The following PARN variants were observed in gnomAD, a reference collection of about 807,000 sequenced individuals.
PARN encodes the protein poly(A)-specific ribonuclease.
Under a neutral mutation model 102.8 loss-of-function variants are expected in PARN, and 71 were observed. The observed-to-expected ratio is 0.69, with a 90% CI of 0.57 to 0.84. PARN has a LOEUF of 0.84. Among genes scored for constraint, PARN ranks in the 40% least tolerant of loss-of-function variants. The pLI is 0.00. For missense variants in PARN, 782 were observed against 760.9 expected (o/e 1.03, Z -0.33); for synonymous variants, 261 against 252.9 (o/e 1.03, Z -0.30).
In PARN at chr16:14,568,214, C is replaced by CT. The variant is rs543071760; in HGVS notation, c.1263-12506dup. On this transcript the variant is annotated intron_variant, in intron 18 of 23. Coordinates refer to ENST00000437198, the MANE Select transcript of PARN (RefSeq NM_002582.4). ...AAAACTTTATTTTTTTTATTTTTAC[C>CT]TTTTTTTTTTTTTTTTGAGACGGAG... Among the ~76,000 whole-genome samples, 612 of 139,452 alleles carry CT rather than the reference C, an allele frequency of 4.4e-3. 4 individuals are homozygous for CT. Among genetic ancestry groups the CT allele is most frequent in the African/African-American group, 0.011 (439 of 38,638 alleles). The allele number at this position is 139,452 out of a possible 152,430, so 91.5% of individuals were successfully genotyped here.
chr16:14,552,657 T>C lies in PARN; in HGVS notation c.1406-562A>G, dbSNP rs536222508. ...TGCTTACACATAATCTTATTGAAAA[T>C]AGTGTTAGAGGCCGGGCGCGGTGGC... On this transcript the variant is annotated intron_variant, in intron 20 of 23. Transcript: ENST00000437198. Among the ~76,000 whole-genome samples, 13 of 151,966 alleles carry C rather than the reference T, an allele frequency of 8.6e-5. No individual in the cohort carries two copies. In the East Asian group the frequency reaches 2.5e-3, roughly 30 times the overall value.
chr16:14,449,051 T>C lies in PARN; in HGVS notation c.1671-1970A>G, dbSNP rs1401941657. Among the ~76,000 whole-genome samples the C allele has an allele frequency of 3.3e-5, 5 of 152,264 alleles. No individual in the cohort carries two copies. In the South Asian group the frequency reaches 1.0e-3, roughly 32 times the overall value. On this transcript the variant is annotated intron_variant, in intron 22 of 23. Transcript: ENST00000437198. ...AGAAAATTCAGGAAGTACAAGAAGA[T>C]AATAAGGGTTCTTCTATCACGAAAG... is the stretch of plus-strand genomic sequence containing the variant.
intron 21 of PARN, among the ~76,000 whole-genome samples, chr16:14,487,683 A>C: frequency 6.6e-6 from 1 of 152,224 alleles, no homozygotes; most frequent in East Asian, 1.9e-4. Flanking sequence ...TAAGAAAAAA[A>C]AATCTCGGTA....
At chr16:14,439,161 C>A (rs534018267) in intron 23 of PARN, among the ~76,000 whole-genome samples, 46 of 152,060 alleles carry the variant, frequency 3.0e-4, no homozygotes, top group African/African-American at 1.1e-3. Context: ...GGCTTGAGCC[C>A]AGGAGTTTGG....
At chr16:14,601,141 G>A (rs1027236889) in intron 11 of PARN, among the ~76,000 whole-genome samples, 2 of 152,050 alleles carry the variant, frequency 1.3e-5, no homozygotes, top group African/African-American at 4.8e-5. Context: ...ATTGAAAGCA[G>A]GGACTCAAAT....
Position 14,547,054 on chromosome 16 carries a change from C to T in PARN, c.1480+4967G>A, listed in dbSNP as rs766226963. Among the ~76,000 whole-genome samples, 4 of 149,118 alleles carry T rather than the reference C, an allele frequency of 2.7e-5. No homozygotes were observed. The South Asian group carries it at 6.3e-4, about 24-fold the overall frequency. On this transcript the variant is annotated intron_variant, in intron 21 of 23. Coordinates refer to ENST00000437198, the MANE Select transcript of PARN (RefSeq NM_002582.4). ...GTTGCAGTGAGCCAAGATCGCACAA[C>T]GGCACTTCAGCCTGGGCAACAGAGA...
At chr16:14,608,244 C>G (rs906859875) in intron 9 of PARN, 37 bp downstream of exon 9, 11 of 1,425,578 alleles carry the variant, frequency 7.7e-6, no homozygotes, top group Non-Finnish European at 9.6e-6. Context: ...AATCCTGGGT[C>G]CCCCACAGAG....
chr16:14,484,031 T>C (rs760196645), intron 21 of PARN, among the ~76,000 whole-genome samples: 5 of 152,188 alleles, frequency 3.3e-5, no homozygotes, highest in African/African-American at 2.4e-5. Context: ...CATTACATCA[T>C]TCTTATGCCT....
chr16:14,436,550 C>A lies in PARN; in HGVS notation c.*167G>T, dbSNP rs1179605790. ...AGTTAGATTAAAAAGGGGAAAAAAC[C>A]ACAGCCACAAAAATAAAACCTGTTT... On this transcript the variant is annotated 3_prime_UTR_variant, in exon 24 of 24. Transcript: ENST00000437198. 8.2e-6 allele frequency: 5 copies of A among 611,274 alleles called. No individual in the cohort carries two copies. Among genetic ancestry groups the A allele is most frequent in the African/African-American group, 3.7e-5 (2 of 53,868 alleles). The allele number at this position is 611,274 out of a possible 1,614,324, so 37.9% of individuals were successfully genotyped here. A position where few individuals can be genotyped will look rare whatever the true frequency, so the allele number is the denominator to read the frequency against.
At chr16:14,566,277 C>A (rs1968422514) in intron 18 of PARN, among the ~76,000 whole-genome samples, 1 of 152,182 alleles carries the variant, frequency 6.6e-6, no homozygotes, top group Admixed American at 6.5e-5. Flanking sequence ...TCACTGCCAT[C>A]ATATGTGTCC....
At chr16:14,599,628 T>C (rs1970754674) in intron 12 of PARN, among the ~76,000 whole-genome samples, 1 of 152,206 alleles carries the variant, frequency 6.6e-6, no homozygotes, top group Non-Finnish European at 1.5e-5. Context: ...TGAAAATAAC[T>C]CTTGGTTTCC....
At chr16:14,534,295 A>G (rs1383734905) in intron 21 of PARN, among the ~76,000 whole-genome samples, 1 of 152,106 alleles carries the variant, frequency 6.6e-6, no homozygotes, top group East Asian at 1.9e-4. Flanking sequence ...TGTTTCAAAA[A>G]TCTTGCAAAA....
At chr16:14,580,581 C>A (rs918696365) in intron 18 of PARN, among the ~76,000 whole-genome samples, 1 of 152,152 alleles carries the variant, frequency 6.6e-6, no homozygotes, top group Non-Finnish European at 1.5e-5. Flanking sequence ...GCCACCACAC[C>A]CGGCCCCTCA....
intron 22 of PARN, among the ~76,000 whole-genome samples, chr16:14,469,708 C>CAAA (rs113317045): frequency 7.4e-6 from 1 of 135,372 alleles, no homozygotes; most frequent in African/African-American, 2.8e-5. Context: ...CATAAAGTGT[C>CAAA]AAAAAAAAAA....
chr16:14,556,519 A>G lies in PARN; in HGVS notation c.1263-810T>C, dbSNP rs74524683. ...CAGAGATTTTTCTCCTGGGCCAAAT[A>G]TTTATCACAAATAGAAAAAACAAAC... On this transcript the variant is annotated intron_variant, in intron 18 of 23. Coordinates refer to ENST00000437198, the MANE Select transcript of PARN (RefSeq NM_002582.4). 1.6e-3 allele frequency among the ~76,000 whole-genome samples: 245 copies of G among 152,244 alleles called. 2 individuals are homozygous for G. The highest frequency in any genetic ancestry group is 0.012 in the Admixed American group (179 of 15,278).
At chr16:14,485,272 G>A (rs951689943) in intron 21 of PARN, among the ~76,000 whole-genome samples, 2 of 152,172 alleles carry the variant, frequency 1.3e-5, no homozygotes, top group African/African-American at 4.8e-5. Context: ...CCTTGGAACA[G>A]TTATTTTTCT....
At chr16:14,475,747 T>C (rs545999507) in intron 22 of PARN, among the ~76,000 whole-genome samples, 9 of 152,330 alleles carry the variant, frequency 5.9e-5, no homozygotes, top group South Asian at 2.1e-4. Flanking sequence ...CTCTCGACCA[T>C]AGTGCCGCCC....
intron 21 of PARN, among the ~76,000 whole-genome samples, chr16:14,543,981 G>A (rs530811767): frequency 2.0e-5 from 3 of 152,292 alleles, no homozygotes; most frequent in South Asian, 4.1e-4. Flanking sequence ...GATCACCTGA[G>A]GTCGGGAGTT....
chr16:14,461,612 T>C (rs1961982062), intron 22 of PARN, among the ~76,000 whole-genome samples: 3 of 152,218 alleles, frequency 2.0e-5, no homozygotes, highest in Non-Finnish European at 4.4e-5. Flanking sequence ...TGCTGATAAG[T>C]TGCCTTCGTT....
Sources: gnomAD v4.1 joint callset for allele counts (sites outside exome capture counted in the v4.1 genomes callset) on GRCh38, gnomAD v4.1.1 for gene constraint, MANE v1.5 for transcripts, NCBI Gene and HGNC (gene_info 2026-07-23, HGNC 2026-07-21) for gene names.